Variants in RAMP1 observed in about 807,000 individuals in gnomAD.
The protein encoded by RAMP1 is receptor activity-modifying protein 1.
In RAMP1, 7 loss-of-function variants were observed where a neutral mutation model predicts 8.2. The observed-to-expected ratio is 0.85, with a 90% CI of 0.49 to 1.60. The LOEUF is 1.60. RAMP1 is among the 40% of genes most tolerant of loss of function. The pLI is 0.00. For missense variants in RAMP1, 192 were observed against 202.4 expected (o/e 0.95, Z 0.31); for synonymous variants, 92 against 84.7 (o/e 1.09, Z -0.47).
chr2:237,899,765 G>A (rs1167125388), intron 2 of RAMP1, among the ~76,000 whole-genome samples: 3 of 152,218 alleles, frequency 2.0e-5, no homozygotes, highest in Admixed American at 1.3e-4. Flanking sequence ...CTGGGAAGCT[G>A]CACATCTTTT....
intron 1 of RAMP1, among the ~76,000 whole-genome samples, chr2:237,874,425 T>C (rs1446210237): frequency 6.6e-6 from 1 of 152,194 alleles, no homozygotes; most frequent in East Asian, 1.9e-4. Flanking sequence ...AGACCCCGCT[T>C]CCCAGACCCT....
intron 1 of RAMP1, among the ~76,000 whole-genome samples, chr2:237,875,739 C>A (rs952413217): frequency 6.6e-6 from 1 of 152,194 alleles, no homozygotes; most frequent in Non-Finnish European, 1.5e-5. Flanking sequence ...TCTCTAGCAG[C>A]TGTGGGCTGG....
At chr2:237,911,102 TCACA>T (rs534964361) in intron 2 of RAMP1, among the ~76,000 whole-genome samples, 7 of 152,050 alleles carry the variant, frequency 4.6e-5, no homozygotes, top group Non-Finnish European at 7.4e-5. Context: ...TCACACACAG[TCACA>T]CACAAAGAAT....
At chr2:237,885,424 C>T (rs1166172123) in intron 2 of RAMP1, among the ~76,000 whole-genome samples, 2 of 152,260 alleles carry the variant, frequency 1.3e-5, no homozygotes, top group Non-Finnish European at 2.9e-5. Context: ...GCATCTGGGG[C>T]TGCCTCGGTG....
chr2:237,900,847 T>A (rs2062590396), intron 2 of RAMP1, among the ~76,000 whole-genome samples: 1 of 152,220 alleles, frequency 6.6e-6, no homozygotes, highest in Non-Finnish European at 1.5e-5. Context: ...CTCTGGGGAT[T>A]TGATGAGTCT....
intron 2 of RAMP1, among the ~76,000 whole-genome samples, chr2:237,901,821 G>T (rs2062600000): frequency 6.7e-6 from 1 of 150,348 alleles, no homozygotes; most frequent in African/African-American, 2.5e-5. Flanking sequence ...TAAACTGGGG[G>T]AGGCAGAAGA....
chr2:237,880,380 G>A (rs1017530981), intron 2 of RAMP1, among the ~76,000 whole-genome samples: 2 of 152,172 alleles, frequency 1.3e-5, no homozygotes, highest in Admixed American at 6.6e-5. Flanking sequence ...CTGGTACCAC[G>A]AGATGTTCCA....
intron 2 of RAMP1, among the ~76,000 whole-genome samples, chr2:237,906,416 G>A (rs906565531): frequency 2.6e-5 from 4 of 152,164 alleles, no homozygotes; most frequent in African/African-American, 7.2e-5. Context: ...GGGGGTAGAG[G>A]GGTGCTGGGA....
At chr2:237,870,215 GTTT>G (rs747268218) in intron 1 of RAMP1, among the ~76,000 whole-genome samples, 1 of 152,322 alleles carries the variant, frequency 6.6e-6, no homozygotes, top group Non-Finnish European at 1.5e-5. Flanking sequence ...TTAACATCTG[GTTT>G]TCTTGTGGAT....
intron 2 of RAMP1, among the ~76,000 whole-genome samples, chr2:237,882,264 A>T (rs773238009): frequency 2.6e-5 from 4 of 152,100 alleles, no homozygotes; most frequent in Non-Finnish European, 5.9e-5. Context: ...CCTGAATCTC[A>T]TATTGATCTA....
intron 2 of RAMP1, among the ~76,000 whole-genome samples, chr2:237,910,889 TCACA>T (rs951987669): frequency 7.1e-6 from 1 of 140,886 alleles, no homozygotes. Flanking sequence ...TCACACACAG[TCACA>T]CACACAGAAT....
rs3729572 is a variant in RAMP1 at position 237,862,932 on chromosome 2, T to C, written c.52+3205T>C. On this transcript the variant is annotated intron_variant, in intron 1 of 2. Transcript: ENST00000254661. This position sits in a 1 kb window ranked among gnomAD's most constrained non-coding sequence, Gnocchi z 4.0. ...GTCTACCCTGTGAGCCATGGGGGAGTACCTGTCCATGACATAGAGCACTCC... is the reference window on the plus strand; with the variant it reads ...GTCTACCCTGTGAGCCATGGGGGAGCACCTGTCCATGACATAGAGCACTCC... Among the ~76,000 whole-genome samples, 11,695 of 151,858 alleles carry C rather than the reference T, an allele frequency of 0.077. 1,060 individuals carry two copies. Among genetic ancestry groups the C allele is most frequent in the East Asian group, 0.23 (1,175 of 5,162 alleles).
intron 1 of RAMP1, among the ~76,000 whole-genome samples, chr2:237,876,770 C>T (rs2062309927): frequency 1.3e-5 from 2 of 152,210 alleles, no homozygotes; most frequent in South Asian, 4.1e-4. Context: ...GAGGAGGGAG[C>T]ACAGTTCATG....
At position 237,878,213 on chromosome 2, in the gene RAMP1, A is replaced by T; in HGVS notation, c.191+851A>T. 1.0e-6 allele frequency: 1 copy of T among 974,020 alleles called. No homozygotes were observed. The highest frequency in any genetic ancestry group is 1.2e-6 in the Non-Finnish European group (1 of 819,540). 60.3% of individuals were successfully genotyped at this position (974,020 alleles called of 1,614,324 possible). A position where few individuals can be genotyped will look rare whatever the true frequency, so the allele number is the denominator to read the frequency against. ...GTCTGTGGGTTCACAGCGCAGCGCA[A>T]GTCCTGGTGCCCCACCGATGACAAG... On this transcript the variant is annotated intron_variant, in intron 2 of 2. Transcript: ENST00000254661. The surrounding 1 kb of genome is among the most constrained non-coding windows in gnomAD (Gnocchi z 5.7).
chr2:237,879,216 G>A (rs1335030371), intron 2 of RAMP1, among the ~76,000 whole-genome samples: 8 of 152,150 alleles, frequency 5.3e-5, no homozygotes, highest in Non-Finnish European at 1.0e-4. Flanking sequence ...ACTCTCCCCC[G>A]CCTGCTTTGT....
At chr2:237,906,554 A>G (rs1255519250) in intron 2 of RAMP1, among the ~76,000 whole-genome samples, 2 of 151,908 alleles carry the variant, frequency 1.3e-5, no homozygotes, top group African/African-American at 4.8e-5. Context: ...GTACCCTTCT[A>G]TTGTCTTCAT....
chr2:237,909,736 C>T (rs1262861305), intron 2 of RAMP1, among the ~76,000 whole-genome samples: 1 of 152,106 alleles, frequency 6.6e-6, no homozygotes, highest in Non-Finnish European at 1.5e-5. Context: ...GGGTTTTGTC[C>T]ACTTCATTTC....
In RAMP1 at chr2:237,859,632, C is replaced by T. The variant is rs937087120; in HGVS notation, c.-44C>T. The T allele has an allele frequency of 4.3e-4, 595 of 1,399,764 alleles. 1 individual carries two copies. The highest frequency in any genetic ancestry group is 1.3e-4 in the Non-Finnish European group (140 of 1,071,398). 86.7% of individuals were successfully genotyped at this position (1,399,764 alleles called of 1,614,324 possible). ...GCGCCGCGGCGGGCTCAGTCCTCAG[C>T]GGGGCGCGTGGCGAGCGGACTCGAC... is the stretch of plus-strand genomic sequence containing the variant. On this transcript the variant is annotated 5_prime_UTR_variant, in exon 1 of 3. Transcript: ENST00000254661.
intron 2 of RAMP1, among the ~76,000 whole-genome samples, chr2:237,893,399 C>T (rs2062505778): frequency 1.3e-5 from 2 of 152,198 alleles, no homozygotes; most frequent in Admixed American, 6.5e-5. Flanking sequence ...GCAGTTTCCT[C>T]CTCGGACTCC....
Sources: gnomAD v4.1 joint callset for allele counts (sites outside exome capture counted in the v4.1 genomes callset) on GRCh38, gnomAD v4.1.1 for gene constraint, Gnocchi (gnomAD v3.1) non-coding constraint, MANE v1.5 for transcripts, NCBI Gene and HGNC (gene_info 2026-07-23, HGNC 2026-07-21) for gene names.